Variants in CCDC91 observed in about 807,000 individuals in gnomAD.
The protein encoded by CCDC91 is coiled-coil domain containing 91.
Under a neutral mutation model 63.2 loss-of-function variants are expected in CCDC91, and 48 were observed. The ratio of observed to expected loss-of-function variants is 0.76; its 90% CI spans 0.60 to 0.97. The LOEUF (loss-of-function observed/expected upper bound fraction) is 0.97. Ranked by LOEUF, CCDC91 falls within the 50% of genes least tolerant of loss-of-function variation. CCDC91 has a pLI of 0.00. For missense variants in CCDC91, 500 were observed against 494.6 expected (o/e 1.01, Z -0.10); for synonymous variants, 167 against 165.8 (o/e 1.01, Z -0.06).
intron 1 of CCDC91, among the ~76,000 whole-genome samples, chr12:28,231,222 G>A (rs1482242018): frequency 6.6e-6 from 1 of 152,188 alleles, no homozygotes. Flanking sequence ...GGAATCTGGT[G>A]TGGCTTCAAA....
rs1340635407 is a variant in CCDC91 at position 28,354,582 on chromosome 12, G to A, written c.577-7856G>A. ...ATATATGAAGGCAAATAATAATACTGTGGACAGGAAAACACACTACACAGA... is the reference window on the plus strand; with the variant it reads ...ATATATGAAGGCAAATAATAATACTATGGACAGGAAAACACACTACACAGA... On this transcript the variant is annotated intron_variant, in intron 6 of 12. Transcript: ENST00000536442. Among the ~76,000 whole-genome samples the A allele has an allele frequency of 8.5e-5, 13 of 152,076 alleles. 1 individual carries two copies. Among genetic ancestry groups the A allele is most frequent in the Admixed American group, 5.9e-4 (9 of 15,264 alleles).
At chr12:28,220,776 T>A (rs1943884876) in intron 1 of CCDC91, among the ~76,000 whole-genome samples, 1 of 152,134 alleles carries the variant, frequency 6.6e-6, no homozygotes, top group Non-Finnish European at 1.5e-5. Context: ...ATATTCTGTT[T>A]TACATGGTTC....
intron 12 of CCDC91, among the ~76,000 whole-genome samples, chr12:28,494,980 G>A (rs2141038022): frequency 6.6e-6 from 1 of 151,884 alleles, no homozygotes; most frequent in South Asian, 2.1e-4. Context: ...GACAGATTCA[G>A]ATGGAAACTT....
chr12:28,246,665 G>C (rs746027238), intron 1 of CCDC91, among the ~76,000 whole-genome samples: 2 of 152,204 alleles, frequency 1.3e-5, no homozygotes, highest in East Asian at 3.9e-4. Flanking sequence ...TATAATGAAA[G>C]GATTGGAGAG....
intron 3 of CCDC91, among the ~76,000 whole-genome samples, chr12:28,271,485 T>G (rs897093433): frequency 1.3e-5 from 2 of 152,118 alleles, no homozygotes; most frequent in African/African-American, 4.8e-5. Context: ...AAATTACAAT[T>G]TTCAGATTAA....
chr12:28,220,103 A>G (rs919264871), intron 1 of CCDC91, among the ~76,000 whole-genome samples: 2 of 152,084 alleles, frequency 1.3e-5, no homozygotes, highest in Non-Finnish European at 2.9e-5. Context: ...CACTTAATGC[A>G]ATTATCATTA....
At chr12:28,368,117 G>A (rs1040460591) in intron 7 of CCDC91, among the ~76,000 whole-genome samples, 7 of 152,116 alleles carry the variant, frequency 4.6e-5, no homozygotes, top group African/African-American at 1.2e-4. Context: ...TAATACACAC[G>A]TAGCTAAACT....
intron 6 of CCDC91, among the ~76,000 whole-genome samples, chr12:28,314,852 A>G (rs1233251504): frequency 6.6e-6 from 1 of 151,984 alleles, no homozygotes; most frequent in Non-Finnish European, 1.5e-5. Flanking sequence ...CATCCTCTTC[A>G]TAGGCCTTAT....
chr12:28,479,571 A>G (rs1951328473), intron 11 of CCDC91, among the ~76,000 whole-genome samples: 1 of 152,120 alleles, frequency 6.6e-6, no homozygotes. Flanking sequence ...TATGTAACAA[A>G]CCTGCACGTT....
At chr12:28,369,129 G>GTAT (rs2138766867) in intron 7 of CCDC91, among the ~76,000 whole-genome samples, 1 of 152,222 alleles carries the variant, frequency 6.6e-6, no homozygotes, top group South Asian at 2.1e-4. Flanking sequence ...CCTCATTGCA[G>GTAT]TATTAACCCA....
chr12:28,430,972 T>G (rs1333983260), intron 8 of CCDC91, among the ~76,000 whole-genome samples: 1 of 152,148 alleles, frequency 6.6e-6, no homozygotes, highest in African/African-American at 2.4e-5. Flanking sequence ...GCCATTGACT[T>G]AGGCTTGTAA....
chr12:28,393,424 G>A (rs1396238785), intron 8 of CCDC91, among the ~76,000 whole-genome samples: 4 of 149,596 alleles, frequency 2.7e-5, no homozygotes, highest in South Asian at 2.1e-4. Context: ...TTAGAGAACC[G>A]CTTTCTAAAT....
chr12:28,518,261 A>G (rs1374291690), intron 12 of CCDC91, among the ~76,000 whole-genome samples: 1 of 151,934 alleles, frequency 6.6e-6, no homozygotes, highest in African/African-American at 2.4e-5. Flanking sequence ...GCAGTGTAGA[A>G]GTGTTCTCTG....
chr12:28,315,989 A>G (rs1340146415), intron 6 of CCDC91, among the ~76,000 whole-genome samples: 1 of 151,932 alleles, frequency 6.6e-6, no homozygotes, highest in Admixed American at 6.6e-5. Flanking sequence ...TCTTTCTATG[A>G]ACATCTGAAA....
At chr12:28,316,806 C>T (rs1939938576) in intron 6 of CCDC91, among the ~76,000 whole-genome samples, 1 of 151,702 alleles carries the variant, frequency 6.6e-6, no homozygotes, top group African/African-American at 2.4e-5. Context: ...AATTTTCTGA[C>T]TTCATTTACT....
At chr12:28,546,304 T>A (rs928072040) in intron 12 of CCDC91, among the ~76,000 whole-genome samples, 2 of 152,128 alleles carry the variant, frequency 1.3e-5, no homozygotes, top group African/African-American at 4.8e-5. Context: ...TCTGGTCACT[T>A]CCTTCTTAAA....
intron 3 of CCDC91, among the ~76,000 whole-genome samples, chr12:28,300,753 C>G (rs1462036891): frequency 6.6e-6 from 1 of 151,528 alleles, no homozygotes; most frequent in Admixed American, 6.6e-5. Flanking sequence ...CAAGAGATAT[C>G]TTTACCTTTG....
chr12:28,466,601 A>G (rs1340012588), intron 11 of CCDC91, among the ~76,000 whole-genome samples: 2 of 152,180 alleles, frequency 1.3e-5, no homozygotes, highest in Non-Finnish European at 2.9e-5. Context: ...TTACCCTAGA[A>G]TAGTACATTC....
chr12:28,401,265 G>T (rs1348777304), intron 8 of CCDC91, among the ~76,000 whole-genome samples: 1 of 152,068 alleles, frequency 6.6e-6, no homozygotes, highest in Non-Finnish European at 1.5e-5. Flanking sequence ...GGTGGAAGGG[G>T]AAACAAACAT....
Sources: gnomAD v4.1 joint callset for allele counts (sites outside exome capture counted in the v4.1 genomes callset) on GRCh38, gnomAD v4.1.1 for gene constraint, MANE v1.5 for transcripts, NCBI Gene and HGNC (gene_info 2026-07-23, HGNC 2026-07-21) for gene names.